The following CFAP65 variants were observed in gnomAD, a reference collection of about 807,000 sequenced individuals.
CFAP65 encodes cilia and flagella associated protein 65.
In CFAP65, 155 loss-of-function variants were observed where a neutral mutation model predicts 208.0. The observed-to-expected ratio is 0.75, with a 90% CI of 0.65 to 0.85. The LOEUF is 0.85. CFAP65 is among the 40% of genes least tolerant of loss of function. The pLI is 0.00. For synonymous variants in CFAP65, 970 were observed against 986.3 expected, an observed-to-expected ratio of 0.98 and a Z score of 0.31; for missense variants, 2,294 against 2,451.3, an observed-to-expected ratio of 0.94 and a Z score of 1.36.
Position 219,003,377 on chromosome 2 carries a change from C to T in CFAP65, c.5556-105G>A. On this transcript the variant is annotated intron_variant, in intron 33 of 34. Coordinates refer to ENST00000341552, the MANE Select transcript of CFAP65 (RefSeq NM_194302.4). This position sits in a 1 kb window ranked among gnomAD's most constrained non-coding sequence, Gnocchi z 4.4. The stretch of plus-strand genomic sequence containing the variant: ...GTGCCGCGAGCTCTACGGAGATTCC[C>T]ATTCGACTCCCCTCATCCACTACAC... The T allele has an allele frequency of 7.5e-7, 1 of 1,341,760 alleles. No individual in the cohort carries two copies. Among genetic ancestry groups the T allele is most frequent in the Non-Finnish European group, 9.9e-7 (1 of 1,013,864 alleles). 83.1% of individuals were successfully genotyped at this position (1,341,760 alleles called of 1,614,324 possible). A position where few individuals can be genotyped will look rare whatever the true frequency, so the allele number is the denominator to read the frequency against.
Position 219,041,470 on chromosome 2 carries a change from C to T in CFAP65, c.-49+18G>A, listed in dbSNP as rs1162148620. On this transcript the variant is annotated intron_variant, in intron 1 of 34. Coordinates refer to ENST00000341552, the MANE Select transcript of CFAP65 (RefSeq NM_194302.4). ...TCCCTGAGACCCTGGGACCTTGGGA[C>T]TAACGCTCAGAACTTACATCGCCTC... The T allele has an allele frequency of 4.5e-6, 7 of 1,550,438 alleles. No individual in the cohort carries two copies. The highest frequency in any genetic ancestry group is 1.4e-5 in the African/African-American group (1 of 73,034).
intron 9 of CFAP65, 148 bp downstream of exon 9, chr2:219,030,541 G>T (rs1947944921): frequency 1.8e-6 from 2 of 1,102,702 alleles, no homozygotes; most frequent in South Asian, 3.1e-5. Flanking sequence ...TGAGGAGAAG[G>T]ACACACCTGT....
In CFAP65 at chr2:219,028,377, C is replaced by T. The variant is rs1247555394; in HGVS notation, c.1675G>A (p.Gly559Arg). The T allele has an allele frequency of 4.3e-6, 7 of 1,613,210 alleles. No homozygotes were observed. The highest frequency in any genetic ancestry group is 4.0e-5 in the African/African-American group (3 of 74,766). ...TTGGTGCTGTCCGAGTGGCAGGTCC[C>T]CATCAGGTCCAGGAACAGTGGGTCC... ...HQDPLFLDLMGTCHSDSTKPA... is the reference protein window; with the variant it reads ...HQDPLFLDLMRTCHSDSTKPA... The change falls in exon 12 of 35, where the codon GGG (glycine) becomes AGG (arginine). Residue 559 changes from glycine to arginine, a missense_variant. By Grantham distance (125) the Gly-to-Arg change is moderately radical (BLOSUM62 -2). This residue lies in a region of CFAP65 where 867 missense variants were observed against 1,012.6 expected (regional missense o/e 0.86). Coordinates refer to ENST00000341552, the MANE Select transcript of CFAP65 (RefSeq NM_194302.4).
intron 14 of CFAP65, among the ~76,000 whole-genome samples, chr2:219,024,486 CAGGGG>C (rs1947500312): frequency 1.2e-4 from 1 of 8,292 alleles, no homozygotes; most frequent in African/African-American, 1.0e-3. Context: ...GGGGGGGGGG[CAGGGG>C]GGCGGGGGCA....
intron 11 of CFAP65, among the ~76,000 whole-genome samples, chr2:219,029,028 G>A (rs1947841348): frequency 6.6e-6 from 1 of 152,214 alleles, no homozygotes; most frequent in East Asian, 1.9e-4. Flanking sequence ...TCTGCCCTAT[G>A]CATGCTATGT....
rs941617137 is a variant in CFAP65 at position 219,039,107 on chromosome 2, G to A, written c.-2-57C>T. On this transcript the variant is annotated intron_variant, in intron 2 of 34. Coordinates refer to ENST00000341552, the MANE Select transcript of CFAP65 (RefSeq NM_194302.4). ...CCATCTCCAGAGCAGAGGGATCCTCGATGACTGTAGCTGAAATCATATGCA... is the reference window on the plus strand; with the variant it reads ...CCATCTCCAGAGCAGAGGGATCCTCAATGACTGTAGCTGAAATCATATGCA... The A allele has an allele frequency of 1.1e-5, 16 of 1,439,266 alleles. No individual in the cohort carries two copies. In the South Asian group the frequency reaches 1.2e-4, roughly 11 times the overall value. 89.2% of individuals were successfully genotyped at this position (1,439,266 alleles called of 1,614,324 possible).
At chr2:219,011,049 A>T (rs948613211) in intron 24 of CFAP65, 53 bp from the exon 25 acceptor site, 2 of 1,525,106 alleles carry the variant, frequency 1.3e-6, no homozygotes, top group Non-Finnish European at 1.8e-6. Context: ...ACTGCAAATC[A>T]GAAAGCCTGG....
In CFAP65 at chr2:219,004,446, CA is replaced by C; in HGVS notation, c.5060del (p.Leu1687ArgfsTer41). 6.2e-7 allele frequency: 1 copy of C among 1,607,376 alleles called. No homozygotes were observed. Among genetic ancestry groups the C allele is most frequent in the Non-Finnish European group, 8.5e-7 (1 of 1,176,506 alleles). On this transcript the variant is annotated frameshift_variant, in exon 33 of 35. Transcript: ENST00000341552. LOFTEE classifies it high-confidence loss of function. This position sits in a 1 kb window ranked among gnomAD's most constrained non-coding sequence, Gnocchi z 4.7. ...CAGCCTCATGGAAGTTCTTGTCTTCCAGCAGGCCCCTAGGTGGCAGGGAGAA... is the reference window on the plus strand; with the variant it reads ...CAGCCTCATGGAAGTTCTTGTCTTCCGCAGGCCCCTAGGTGGCAGGGAGAA... ...DILTTIIRGL[L>X]EDKNFHEAVD...
chr2:219,038,661 G>T, intron 3 of CFAP65, 83 bp from the exon 4 acceptor site: 1 of 1,335,518 alleles, frequency 7.5e-7, no homozygotes, highest in Non-Finnish European at 1.1e-6. Flanking sequence ...GGCCATCCTT[G>T]TCATGGAGGA....
In CFAP65 at chr2:219,010,612, G is replaced by T; in HGVS notation, c.4242C>A (p.Ala1414=). 1 of 1,612,172 alleles carries T rather than the reference G, an allele frequency of 6.2e-7. No individual in the cohort carries two copies. Among genetic ancestry groups the T allele is most frequent in the Non-Finnish European group, 8.5e-7 (1 of 1,179,710 alleles). ...GYNPHMMGDT[A]PFHNISSWDN... is the part of the protein sequence containing the mutation. ...CCCACGAGGAGATGTTGTGGAATGG[G>T]GCTGTGTCCCCCATCATATGGGGGT... Residue 1414 remains alanine (A), a synonymous_variant, in exon 26 of 35, where the codon GCC becomes GCA. Coordinates refer to ENST00000341552, the MANE Select transcript of CFAP65 (RefSeq NM_194302.4).
At chr2:219,035,100 G>GAAAAAA in intron 5 of CFAP65, 1 of 318,128 alleles carries the variant, frequency 3.1e-6, no homozygotes, top group Non-Finnish European at 5.5e-6. Flanking sequence ...AACTACGCAG[G>GAAAAAA]AAAAAAAAAA....
At chr2:219,029,803 G>A in intron 10 of CFAP65, 135 bp from the exon 11 acceptor site, 1 of 1,216,304 alleles carries the variant, frequency 8.2e-7, no homozygotes, top group Non-Finnish European at 1.2e-6. Flanking sequence ...AGCATCACTG[G>A]ATGCCAGTGG....
At position 219,038,596 on chromosome 2, in the gene CFAP65, G is replaced by T; in HGVS notation, c.154-18C>A. 6.2e-7 allele frequency: 1 copy of T among 1,602,836 alleles called. No individual in the cohort carries two copies. Among genetic ancestry groups the T allele is most frequent in the South Asian group, 1.1e-5 (1 of 90,412 alleles). On this transcript the variant is annotated intron_variant, in intron 3 of 34. Coordinates refer to ENST00000341552, the MANE Select transcript of CFAP65 (RefSeq NM_194302.4). ...GTATGGAGCTGGGAAGAGAGCAGAGGGGAGAGGAGACAGGAGTGACATGAG... is the reference window on the plus strand; with the variant it reads ...GTATGGAGCTGGGAAGAGAGCAGAGTGGAGAGGAGACAGGAGTGACATGAG...
At position 219,006,078 on chromosome 2, in the gene CFAP65, G is replaced by A; in HGVS notation, c.4865C>T (p.Ala1622Val). ...LCLGLTARAHATDYFLANFFS... is the reference protein window; with the variant it reads ...LCLGLTARAHVTDYFLANFFS... ...GAAGTTAGCCAGAAAGTAGTCGGTG[G>A]CATGGGCTCGGGCAGTAAGGCCCAG... Residue 1622 changes from alanine (A) to valine (V), a missense_variant, in exon 31 of 35, where the codon GCC (alanine) becomes GTC (valine). By Grantham distance (64) the Ala-to-Val change is moderately conservative. Transcript: ENST00000341552. 1 of 1,613,542 alleles carries A rather than the reference G, an allele frequency of 6.2e-7. No homozygotes were observed. Among genetic ancestry groups the A allele is most frequent in the Non-Finnish European group, 8.5e-7 (1 of 1,180,030 alleles).
chr2:219,028,270 G>T lies in CFAP65; in HGVS notation c.1782C>A (p.Ile594=), dbSNP rs767585236. The change falls in exon 12 of 35, where the codon ATC becomes ATA. Residue 594 remains isoleucine (I), a synonymous_variant. Transcript: ENST00000341552. ...TCTTCTCCTTCAGCATGGCATCCAG[G>T]ATGTCAGGGGGGTAGAGCGTCAGGC... ...ARGLTLYPPD[I]LDAMLKEKKL... 6.2e-7 allele frequency: 1 copy of T among 1,614,140 alleles called. No homozygotes were observed. Among genetic ancestry groups the T allele is most frequent in the Non-Finnish European group, 8.5e-7 (1 of 1,180,000 alleles).
chr2:219,031,556 A>T lies in CFAP65; in HGVS notation c.748T>A (p.Ser250Thr). The T allele has an allele frequency of 6.2e-7, 1 of 1,614,168 alleles. No homozygotes were observed. Reference protein sequence around the residue: ...PCHRLICRPPSLQLPMCAVGD... With the variant: ...PCHRLICRPPTLQLPMCAVGD... ...ACAGCACACATGGGCAGCTGCAGGG[A>T]TGGTGGGCGGCAGATCAGCCTGTGG... The change falls in exon 7 of 35, where the codon TCC becomes ACC. Residue 250 changes from serine (S) to threonine (T), a missense_variant. This residue lies in a region of CFAP65 where 867 missense variants were observed against 1,012.6 expected (regional missense o/e 0.86). Coordinates refer to ENST00000341552, the MANE Select transcript of CFAP65 (RefSeq NM_194302.4). The surrounding 1 kb of genome is among the most constrained non-coding windows in gnomAD (Gnocchi z 5.2).
Position 219,027,767 on chromosome 2 carries a change from C to G in CFAP65, c.2094G>C (p.Val698=). The G allele has an allele frequency of 1.2e-6, 2 of 1,614,076 alleles. No individual in the cohort carries two copies. Among genetic ancestry groups the G allele is most frequent in the Non-Finnish European group, 1.7e-6 (2 of 1,180,004 alleles). Reference sequence around the variant, plus strand: ...GGGGCACGTCGCAGCTCTCTGGAGTCACCCAGAAGGGGCAGTCAGACCTTC... The same window carrying G: ...GGGGCACGTCGCAGCTCTCTGGAGTGACCCAGAAGGGGCAGTCAGACCTTC... The part of the protein sequence containing the change: ...WTRRSDCPFW[V]TPESCDVPPL... The change falls in exon 13 of 35, where the codon GTG becomes GTC. Residue 698 remains valine (V), a synonymous_variant. Transcript: ENST00000341552.
chr2:219,014,282 G>A (rs1367458166), intron 21 of CFAP65: 3 of 381,410 alleles, frequency 7.9e-6, no homozygotes, highest in African/African-American at 2.1e-5. Flanking sequence ...GAAGTGAAGA[G>A]TGGGGCTCCC....
At chr2:219,005,377 T>C (rs749155406) in intron 32 of CFAP65, 57 bp downstream of exon 32, 60 of 1,607,768 alleles carry the variant, frequency 3.7e-5, no homozygotes, top group Non-Finnish European at 5.0e-5. Flanking sequence ...GGGCTCTGGC[T>C]GAATGAGCTG....
Sources: gnomAD v4.1 joint callset for allele counts (sites outside exome capture counted in the v4.1 genomes callset) on GRCh38, gnomAD v4.1.1 for gene constraint, gnomAD v4.1.1 regional missense constraint, Gnocchi (gnomAD v3.1) non-coding constraint, MANE v1.5 for transcripts, NCBI Gene and HGNC (gene_info 2026-07-23, HGNC 2026-07-21) for gene names.